Variants in ATXN8OS observed in about 807,000 individuals in gnomAD.
ATXN8OS encodes the protein ATXN8 opposite strand lncRNA.
At chr13:70,163,031 C>T (rs887716863) in intron 4 of ATXN8OS, among the ~76,000 whole-genome samples, 1 of 19,482 alleles carries the variant, frequency 5.1e-5, no homozygotes, top group Non-Finnish European at 3.7e-4. Flanking sequence ...GCTATTCTCT[C>T]CCTTTTTTTT....
intron 3 of ATXN8OS, among the ~76,000 whole-genome samples, chr13:70,145,486 T>C (rs1352128782): frequency 1.3e-5 from 2 of 152,030 alleles, no homozygotes; most frequent in East Asian, 1.9e-4. Context: ...CCCATGAGCA[T>C]GGAATGTTCT....
chr13:70,158,910 G>T (rs1271099970), intron 4 of ATXN8OS, among the ~76,000 whole-genome samples: 1 of 152,100 alleles, frequency 6.6e-6, no homozygotes, highest in Non-Finnish European at 1.5e-5. Context: ...TTATAGGACT[G>T]CTCTTAAGAG....
chr13:70,130,814 A>G, intron 3 of ATXN8OS: 1 of 398,556 alleles, frequency 2.5e-6, no homozygotes, highest in Non-Finnish European at 4.4e-6. Flanking sequence ...CTGGGACCCC[A>G]ATGACCAGGG....
intron 3 of ATXN8OS, among the ~76,000 whole-genome samples, chr13:70,132,189 T>G (rs1198876705): frequency 2.0e-5 from 3 of 152,092 alleles, no homozygotes; most frequent in African/African-American, 7.2e-5. Context: ...ACTGGACTAT[T>G]CACAATAGCA....
At chr13:70,160,140 A>T (rs1193943787) in intron 4 of ATXN8OS, among the ~76,000 whole-genome samples, 2 of 151,456 alleles carry the variant, frequency 1.3e-5, no homozygotes, top group Admixed American at 6.6e-5. Context: ...CCCACCAGAA[A>T]TGAATGAAGG....
intron 3 of ATXN8OS, among the ~76,000 whole-genome samples, chr13:70,140,862 C>T (rs1027463058): frequency 2.0e-5 from 3 of 151,756 alleles, no homozygotes; most frequent in African/African-American, 4.8e-5. Flanking sequence ...CTTTGTGGGC[C>T]AGGTTTCTAC....
At chr13:70,110,286 T>C (rs1371575238) in intron 1 of ATXN8OS, among the ~76,000 whole-genome samples, 1 of 152,164 alleles carries the variant, frequency 6.6e-6, no homozygotes, top group East Asian at 1.9e-4. Context: ...TTTCTATATT[T>C]GTCAATCTTA....
intron 3 of ATXN8OS, among the ~76,000 whole-genome samples, chr13:70,134,457 A>G (rs956629164): frequency 6.6e-6 from 1 of 152,220 alleles, no homozygotes; most frequent in Non-Finnish European, 1.5e-5. Context: ...CATGGTGGCC[A>G]GCAGCTTGCC....
At chr13:70,162,529 G>GT (rs1193237558) in intron 4 of ATXN8OS, among the ~76,000 whole-genome samples, 1 of 152,078 alleles carries the variant, frequency 6.6e-6, no homozygotes, top group East Asian at 1.9e-4. Flanking sequence ...TTGCAGGCTA[G>GT]TTTCCTGATG....
chr13:70,157,800 C>G (rs1465127944), intron 4 of ATXN8OS, among the ~76,000 whole-genome samples: 1 of 152,142 alleles, frequency 6.6e-6, no homozygotes, highest in Non-Finnish European at 1.5e-5. Flanking sequence ...CTTTGATCTT[C>G]TGCATGGAAT....
exon 5 of ATXN8OS, among the ~76,000 whole-genome samples, chr13:70,171,545 C>CTACA (rs1046096618): frequency 3.9e-5 from 6 of 152,088 alleles, no homozygotes; most frequent in Admixed American, 2.6e-4. Flanking sequence ...ATGCATTGTG[C>CTACA]TACAACATTA....
At chr13:70,109,999 T>C (rs1003721753) in intron 1 of ATXN8OS, among the ~76,000 whole-genome samples, 1 of 152,188 alleles carries the variant, frequency 6.6e-6, no homozygotes, top group Non-Finnish European at 1.5e-5. Flanking sequence ...TCACAAACTG[T>C]AATATAAAAT....
chr13:70,107,442 G>GGAGGAAGAGGACGGGGAGGACGACGAA (rs544711418), upstream of ATXN8OS: 1,903 of 1,614,132 alleles, frequency 1.2e-3, 18 homozygotes, highest in African/African-American at 0.022. Context: ...TGAAGGAAGA[G>GGAGGAAGAGGACGGGGAGGACGACGAA]GAGGAAGAGG....
chr13:70,157,983 A>G (rs1888957780), intron 4 of ATXN8OS, among the ~76,000 whole-genome samples: 1 of 152,254 alleles, frequency 6.6e-6, no homozygotes, highest in Non-Finnish European at 1.5e-5. Context: ...AATCCCATTC[A>G]GTAAGCAAAA....
intron 2 of ATXN8OS, among the ~76,000 whole-genome samples, chr13:70,116,330 G>T (rs886348044): frequency 7.2e-5 from 11 of 152,066 alleles, no homozygotes; most frequent in African/African-American, 2.7e-4. Flanking sequence ...GGAAAGGGGG[G>T]CTGAGCTTTA....
chr13:70,109,569 C>T (rs569810390), intron 1 of ATXN8OS, among the ~76,000 whole-genome samples: 18 of 152,098 alleles, frequency 1.2e-4, no homozygotes, highest in Non-Finnish European at 2.1e-4. Flanking sequence ...ATTAAGTGCA[C>T]AAAAGACCTA....
chr13:70,130,876 GA>G lies in ATXN8OS; in HGVS notation n.499+994del, dbSNP rs1888522426. 1.5e-5 allele frequency: 6 copies of G among 398,452 alleles called. No homozygotes were observed. In the East Asian group the frequency reaches 2.1e-4, roughly 14 times the overall value. 24.7% of individuals were successfully genotyped at this position (398,452 alleles called of 1,614,324 possible). ...ATAGAGAAGGCAGCAAATCATACAA[GA>G]AGGTCCATCCCAAACCAGAGATAGT... On this transcript the variant is annotated intron_variant and non_coding_transcript_variant, in intron 3 of 4. Transcript: ENST00000678624.
At chr13:70,166,518 GA>G (rs1255282815) in intron 4 of ATXN8OS, among the ~76,000 whole-genome samples, 2 of 151,968 alleles carry the variant, frequency 1.3e-5, no homozygotes, top group Non-Finnish European at 2.9e-5. Context: ...ATTAATTCAA[GA>G]TGGATTAAAG....
At chr13:70,116,731 A>T (rs1888284840) in intron 2 of ATXN8OS, among the ~76,000 whole-genome samples, 1 of 152,156 alleles carries the variant, frequency 6.6e-6, no homozygotes. Context: ...GAATAAACAG[A>T]AGAAAGCAAG....
Sources: gnomAD v4.1 joint callset for allele counts (sites outside exome capture counted in the v4.1 genomes callset) on GRCh38, gnomAD v4.1.1 for gene constraint, MANE v1.5 for transcripts, NCBI Gene and HGNC (gene_info 2026-07-23, HGNC 2026-07-21) for gene names.